The following ROBO2 variants were observed in gnomAD, a reference collection of about 807,000 sequenced individuals.
The protein encoded by ROBO2 is roundabout homolog 2.
In ROBO2, 53 loss-of-function variants were observed where a neutral mutation model predicts 160.8. The observed-to-expected ratio is 0.33, with a 90% CI of 0.26 to 0.41. The LOEUF is 0.41. Among genes scored for constraint, ROBO2 ranks in the 10% least tolerant of loss-of-function variants. ROBO2 has a pLI of 1.00. For synonymous variants in ROBO2, 664 were observed against 611.7 expected, an observed-to-expected ratio of 1.09 and a Z score of -1.26; for missense variants, 1,577 against 1,722.4, an observed-to-expected ratio of 0.92 and a Z score of 1.49.
chr3:76,418,682 CT>C (rs35804382), intron 2 of ROBO2, among the ~76,000 whole-genome samples: 7,115 of 137,640 alleles, frequency 0.052, 163 homozygotes, highest in African/African-American at 0.062. Flanking sequence ...TTCAACCTGC[CT>C]TTTTTTTTTT....
intron 2 of ROBO2, among the ~76,000 whole-genome samples, chr3:77,004,155 T>G (rs1050142646): frequency 5.3e-5 from 8 of 152,204 alleles, no homozygotes; most frequent in East Asian, 1.9e-4. Context: ...TATCATAAAC[T>G]CTGGTTATAT....
At chr3:76,239,986 G>A (rs772258604) in intron 2 of ROBO2, among the ~76,000 whole-genome samples, 18 of 152,092 alleles carry the variant, frequency 1.2e-4, no homozygotes, top group Non-Finnish European at 2.5e-4. Flanking sequence ...GGAAGACATG[G>A]TACACGATGA....
intron 2 of ROBO2, among the ~76,000 whole-genome samples, chr3:76,031,534 C>G (rs1055970760): frequency 9.9e-5 from 15 of 151,978 alleles, no homozygotes; most frequent in Non-Finnish European, 8.8e-5. Context: ...TGAGATAGGT[C>G]CCATCAATAC....
At chr3:77,295,836 C>T (rs1472681327) in intron 2 of ROBO2, among the ~76,000 whole-genome samples, 5 of 141,848 alleles carry the variant, frequency 3.5e-5, no homozygotes, top group African/African-American at 1.3e-4. Flanking sequence ...GTAAAATTGA[C>T]GGGTAAACGG....
At position 76,874,476 on chromosome 3, in the gene ROBO2, G is replaced by T. The variant is rs570484432; in HGVS notation, c.110-223538G>T. Among the ~76,000 whole-genome samples the T allele has an allele frequency of 1.6e-3, 245 of 152,156 alleles. 1 individual carries two copies. The highest frequency in any genetic ancestry group is 5.7e-3 in the African/African-American group (235 of 41,508). Reference sequence around the variant, plus strand: ...TCCAGGGATGAGCTGACATGGTTTTGTTTTAAATTACACATTTTCAAAATG... The same window carrying T: ...TCCAGGGATGAGCTGACATGGTTTTTTTTTAAATTACACATTTTCAAAATG... On this transcript the variant is annotated intron_variant, in intron 2 of 26. Transcript: ENST00000487694.
intron 2 of ROBO2, among the ~76,000 whole-genome samples, chr3:76,469,225 G>T (rs1377548523): frequency 6.6e-6 from 1 of 151,992 alleles, no homozygotes; most frequent in African/African-American, 2.4e-5. Flanking sequence ...CGATAATAAT[G>T]ATGATGATGA....
intron 2 of ROBO2, among the ~76,000 whole-genome samples, chr3:77,365,187 C>T (rs981354144): frequency 2.0e-5 from 3 of 150,678 alleles, no homozygotes; most frequent in African/African-American, 7.3e-5. Flanking sequence ...AGAAGAGGTT[C>T]TAAGACTTCA....
At chr3:77,264,485 T>G (rs1439342168) in intron 2 of ROBO2, among the ~76,000 whole-genome samples, 4 of 152,226 alleles carry the variant, frequency 2.6e-5, no homozygotes, top group African/African-American at 9.6e-5. Flanking sequence ...TCATCCAAAT[T>G]TATTCTACTT....
At chr3:77,165,264 C>T (rs1427542432) in intron 2 of ROBO2, among the ~76,000 whole-genome samples, 4 of 148,560 alleles carry the variant, frequency 2.7e-5, no homozygotes, top group Non-Finnish European at 4.5e-5. Flanking sequence ...GACCTTACCC[C>T]CAACCCTGTG....
intron 1 of ROBO2, 81 bp downstream of exon 1, chr3:77,040,927 G>C: frequency 6.4e-7 from 1 of 1,561,758 alleles, no homozygotes; most frequent in Non-Finnish European, 8.8e-7. Flanking sequence ...AATTTGATGT[G>C]GGTTATAAAT....
chr3:76,867,560 C>T (rs2071510386), intron 2 of ROBO2, among the ~76,000 whole-genome samples: 1 of 152,170 alleles, frequency 6.6e-6, no homozygotes, highest in Admixed American at 6.5e-5. Context: ...CACTGCTCAA[C>T]ATGAGAGAAA....
intron 2 of ROBO2, among the ~76,000 whole-genome samples, chr3:77,211,056 T>C (rs76693720): frequency 0.56 from 85,795 of 151,926 alleles, 24,803 homozygotes; most frequent in Middle Eastern, 0.69. Flanking sequence ...CATATGTGTG[T>C]GTGTGTCTTT....
chr3:75,907,112 G>T (rs1946379090), intron 1 of ROBO2, among the ~76,000 whole-genome samples: 1 of 152,174 alleles, frequency 6.6e-6, no homozygotes, highest in African/African-American at 2.4e-5. Context: ...GGGGGCGGAG[G>T]GTCGGTGGGT....
intron 2 of ROBO2, among the ~76,000 whole-genome samples, chr3:76,703,824 A>G (rs767572692): frequency 6.6e-6 from 1 of 152,098 alleles, no homozygotes; most frequent in Non-Finnish European, 1.5e-5. Context: ...CAGTAAACAT[A>G]TGTGTGCATG....
intron 2 of ROBO2, among the ~76,000 whole-genome samples, chr3:76,474,559 A>C (rs1339180614): frequency 2.6e-5 from 4 of 152,216 alleles, no homozygotes; most frequent in African/African-American, 9.6e-5. Flanking sequence ...GCATATATTC[A>C]GGAAGAGGAA....
At chr3:77,240,631 C>A (rs1029336074) in intron 2 of ROBO2, among the ~76,000 whole-genome samples, 2 of 152,220 alleles carry the variant, frequency 1.3e-5, no homozygotes, top group African/African-American at 2.4e-5. Context: ...AGCACGTTGT[C>A]ACCTCTCACC....
intron 2 of ROBO2, among the ~76,000 whole-genome samples, chr3:76,673,527 A>G (rs1339577086): frequency 1.8e-4 from 28 of 152,192 alleles, no homozygotes; most frequent in Non-Finnish European, 2.9e-5. Context: ...AGAACCATTC[A>G]TATGTTTTAA....
At chr3:76,505,811 G>A (rs945270969) in intron 2 of ROBO2, among the ~76,000 whole-genome samples, 5 of 152,086 alleles carry the variant, frequency 3.3e-5, no homozygotes, top group Non-Finnish European at 5.9e-5. Flanking sequence ...CCCATTTTAC[G>A]GCTTTTTGTT....
intron 2 of ROBO2, among the ~76,000 whole-genome samples, chr3:76,603,339 A>T (rs1226285538): frequency 1.9e-5 from 1 of 53,734 alleles, no homozygotes. Context: ...CTCCAAAAAA[A>T]AAAAAAAAAA....
Sources: allele counts gnomAD v4.1 joint callset (sites outside exome capture counted in the v4.1 genomes callset), GRCh38; gene constraint gnomAD v4.1.1; transcripts MANE v1.5; gene names NCBI Gene and HGNC (gene_info 2026-07-23, HGNC 2026-07-21).